Variants in DBH observed in about 807,000 individuals in gnomAD.
DBH encodes dopamine beta-hydroxylase.
Under a neutral mutation model 64.0 loss-of-function variants are expected in DBH, and 49 were observed. The observed-to-expected ratio is 0.77, with a 90% CI of 0.61 to 0.97. The LOEUF (loss-of-function observed/expected upper bound fraction) is 0.97. Among genes scored for constraint, DBH ranks in the 50% least tolerant of loss-of-function variants. The pLI is 0.00. For synonymous variants in DBH, 343 were observed against 347.1 expected (o/e 0.99, Z 0.13); for missense variants, 828 against 826.6 (o/e 1.00, Z -0.02).
chr9:133,645,320 A>G (rs1028073224), intron 5 of DBH, among the ~76,000 whole-genome samples: 8 of 152,054 alleles, frequency 5.3e-5, no homozygotes, highest in African/African-American at 1.5e-4. Flanking sequence ...AGAGAAGGGT[A>G]TAAGTCAGCT....
In DBH at chr9:133,652,982, C is replaced by CT; in HGVS notation, c.1417_1418insT (p.Arg473LeufsTer104). 6.2e-7 allele frequency: 1 copy of CT among 1,613,318 alleles called. No homozygotes were observed. The stretch of plus-strand genomic sequence containing the variant: ...CTCCTGCACGTACAACACAGAAGAC[C>CT]GGGAGCTGGCCACAGTGGTAAGTCA... On this transcript the variant is annotated frameshift_variant, in exon 9 of 12. Transcript: ENST00000393056. LOFTEE classifies it high-confidence loss of function.
chr9:133,658,527 C>T lies in DBH; in HGVS notation c.*80C>T. The T allele has an allele frequency of 1.4e-6, 2 of 1,437,454 alleles. No homozygotes were observed. Among genetic ancestry groups the T allele is most frequent in the Non-Finnish European group, 1.9e-6 (2 of 1,076,052 alleles). 89.0% of individuals were successfully genotyped at this position (1,437,454 alleles called of 1,614,324 possible). A position where few individuals can be genotyped will look rare whatever the true frequency, so the allele number is the denominator to read the frequency against. ...ACTGTGCACTCTACTCTGCGACGAT[C>T]CCCATGGAACAGCCCTGCACGCCCA... On this transcript the variant is annotated 3_prime_UTR_variant, in exon 12 of 12. Coordinates refer to ENST00000393056, the MANE Select transcript of DBH (RefSeq NM_000787.4).
rs1333577701 is a variant in DBH at position 133,642,338 on chromosome 9, G to A, written c.618G>A (p.Glu206=). Residue 206 remains glutamate (E), a synonymous_variant, in exon 3 of 12, where the codon GAG becomes GAA. Transcript: ENST00000393056. Reference sequence around the variant, plus strand: ...TGAAGCCCAATATCCCCGAACCGGAGTTGCCCTCAGACGCGTGCACCATGG... The same window carrying A: ...TGAAGCCCAATATCCCCGAACCGGAATTGCCCTCAGACGCGTGCACCATGG... ...QLLKPNIPEP[E]LPSDACTMEV... 1 of 1,614,208 alleles carries A rather than the reference G, an allele frequency of 6.2e-7. No homozygotes were observed.
chr9:133,652,116 T>C, intron 7 of DBH, 130 bp from the exon 8 acceptor site: 1 of 1,034,638 alleles, frequency 9.7e-7, no homozygotes. Context: ...TGGCTTCCAC[T>C]GTAGAGGCTG....
intron 7 of DBH, 80 bp downstream of exon 7, chr9:133,651,857 C>T (rs996567271): frequency 2.2e-6 from 3 of 1,382,062 alleles, no homozygotes; most frequent in Admixed American, 4.0e-5. Context: ...TTTCCTGACA[C>T]CATAGGGATG....
intron 2 of DBH, among the ~76,000 whole-genome samples, chr9:133,640,928 G>A (rs1362110720): frequency 2.0e-5 from 3 of 152,212 alleles, no homozygotes; most frequent in Admixed American, 2.0e-4. Context: ...GACAATTCTG[G>A]TGGGCTCTGG....
intron 5 of DBH, among the ~76,000 whole-genome samples, chr9:133,645,779 C>CCTCA (rs1832174630): frequency 6.6e-6 from 1 of 152,282 alleles, no homozygotes; most frequent in East Asian, 1.9e-4. Context: ...TGGGTTTGAA[C>CCTCA]CTCAGCTTGG....
In DBH at chr9:133,642,612, G is replaced by A. The variant is rs563339069; in HGVS notation, c.744+148G>A. The A allele has an allele frequency of 3.8e-5, 38 of 994,402 alleles. No individual in the cohort carries two copies. In the East Asian group the frequency reaches 7.6e-4, roughly 20 times the overall value. 61.6% of individuals were successfully genotyped at this position (994,402 alleles called of 1,614,324 possible). A position where few individuals can be genotyped will look rare whatever the true frequency, so the allele number is the denominator to read the frequency against. On this transcript the variant is annotated intron_variant, in intron 3 of 11. Coordinates refer to ENST00000393056, the MANE Select transcript of DBH (RefSeq NM_000787.4). ...AACCTCAGGCACCTGCCTGAGCAGG[G>A]GAGCAGCAAGTGGTCTTGGCTTCCC...
At chr9:133,642,185 C>A (rs772732385) in intron 2 of DBH, 22 bp from the exon 3 acceptor site, 4 of 1,611,830 alleles carry the variant, frequency 2.5e-6, no homozygotes, top group Non-Finnish European at 3.4e-6. Context: ...GGGCGACCAG[C>A]TGAACCCTGT....
intron 2 of DBH, among the ~76,000 whole-genome samples, chr9:133,640,654 C>T (rs1832107345): frequency 6.6e-6 from 1 of 152,226 alleles, no homozygotes; most frequent in South Asian, 2.1e-4. Flanking sequence ...GTAAGTAATC[C>T]TTTGGTGTGG....
In DBH at chr9:133,642,441, TTC is replaced by T; in HGVS notation, c.726_727del (p.Arg243AlafsTer15). 1 of 1,612,056 alleles carries T rather than the reference TTC, an allele frequency of 6.2e-7. No individual in the cohort carries two copies. The highest frequency in any genetic ancestry group is 8.5e-7 in the Non-Finnish European group (1 of 1,179,086). ...CTACATTAAGGAGCTTCCAAAGGGC[TTC>T]TCTCGGCACCACATTATCAAGGTAC... Reference protein sequence around the residue: ...WCYIKELPKGFSRHHIIKYEP... With the variant: ...WCYIKELPKGXSRHHIIKYEP... On this transcript the variant is annotated frameshift_variant, in exon 3 of 12. Coordinates refer to ENST00000393056, the MANE Select transcript of DBH (RefSeq NM_000787.4). LOFTEE classifies it high-confidence loss of function.
intron 1 of DBH, among the ~76,000 whole-genome samples, chr9:133,637,826 T>C (rs1161381506): frequency 1.3e-5 from 2 of 152,028 alleles, no homozygotes; most frequent in Non-Finnish European, 2.9e-5. Flanking sequence ...CCAGGTAGGG[T>C]GAGTGGAGCT....
Position 133,643,908 on chromosome 9 carries a change from G to A in DBH, c.922-310G>A, listed in dbSNP as rs940905708. ...CCAGGGCTGGCTGGCGGTGGGGCCAGTGTTGAGGCCTCCACAGGCTGAGAC... is the reference window on the plus strand; with the variant it reads ...CCAGGGCTGGCTGGCGGTGGGGCCAATGTTGAGGCCTCCACAGGCTGAGAC... On this transcript the variant is annotated intron_variant, in intron 4 of 11. Coordinates refer to ENST00000393056, the MANE Select transcript of DBH (RefSeq NM_000787.4). This position sits in a 1 kb window ranked among gnomAD's most constrained non-coding sequence, Gnocchi z 5.3. 1.3e-5 allele frequency among the ~76,000 whole-genome samples: 2 copies of A among 152,178 alleles called. No individual in the cohort carries two copies. Among genetic ancestry groups the A allele is most frequent in the South Asian group, 4.1e-4 (2 of 4,834 alleles).
chr9:133,644,159 G>GC lies in DBH; in HGVS notation c.922-56dup, dbSNP rs201624659. 3.0e-6 allele frequency: 4 copies of GC among 1,344,518 alleles called. No homozygotes were observed. In the East Asian group the frequency reaches 9.2e-5, roughly 31 times the overall value. The allele number at this position is 1,344,518 out of a possible 1,614,324, so 83.3% of individuals were successfully genotyped here. ...CCAACAGTTGACTGGGTTTGCCCCTGCCCAGACCTGGGGCCCTCTCAGGAC... is the reference window on the plus strand; with the variant it reads ...CCAACAGTTGACTGGGTTTGCCCCTGCCCCAGACCTGGGGCCCTCTCAGGAC... On this transcript the variant is annotated intron_variant, in intron 4 of 11. Transcript: ENST00000393056.
intron 9 of DBH, chr9:133,654,932 C>T (rs3025418): frequency 0.039 from 5,927 of 152,458 alleles, 133 homozygotes; most frequent in Admixed American, 0.048. Context: ...TCTGCAGGCG[C>T]GGCCCCGGGG....
chr9:133,638,554 T>C (rs1165875201), intron 1 of DBH, among the ~76,000 whole-genome samples: 1 of 152,060 alleles, frequency 6.6e-6, no homozygotes, highest in African/African-American at 2.4e-5. Flanking sequence ...GCTGGGGTGG[T>C]CTCTAGTTGC....
At chr9:133,648,719 AG>A (rs1832212101) in intron 6 of DBH, among the ~76,000 whole-genome samples, 1 of 152,242 alleles carries the variant, frequency 6.6e-6, no homozygotes, top group Non-Finnish European at 1.5e-5. Flanking sequence ...CGCCAACAGC[AG>A]GTCCTGTCCT....
chr9:133,647,938 C>T lies in DBH; in HGVS notation c.1117C>T (p.Pro373Ser), dbSNP rs1832202439. Reference protein sequence around the residue: ...GIMELGLVYTPVMAIPPRETA... With the variant: ...GIMELGLVYTSVMAIPPRETA... ...CATGGAGCTGGGACTGGTGTACACG[C>T]CAGTGATGGCCATTCCACCACGGGA... The change falls in exon 6 of 12, where the codon CCA becomes TCA. Residue 373 changes from proline to serine, a missense_variant. Pro to Ser is a moderately conservative substitution (Grantham distance 74, BLOSUM62 -1). Coordinates refer to ENST00000393056, the MANE Select transcript of DBH (RefSeq NM_000787.4). The T allele has an allele frequency of 6.2e-7, 1 of 1,614,146 alleles. No individual in the cohort carries two copies.
intron 11 of DBH, among the ~76,000 whole-genome samples, chr9:133,657,502 GAGAGA>G (rs1832349678): frequency 6.8e-6 from 1 of 147,342 alleles, no homozygotes; most frequent in African/African-American, 2.6e-5. Context: ...AGAGAGGAGA[GAGAGA>G]GAGAGAGAGA....
Sources: gnomAD v4.1 joint callset for allele counts (sites outside exome capture counted in the v4.1 genomes callset) on GRCh38, gnomAD v4.1.1 for gene constraint, Gnocchi (gnomAD v3.1) non-coding constraint, MANE v1.5 for transcripts, NCBI Gene and HGNC (gene_info 2026-07-23, HGNC 2026-07-21) for gene names.